The following RGS20 variants were observed in gnomAD, a reference collection of about 807,000 sequenced individuals.
RGS20 encodes the protein gz-selective GTPase-activating protein.
A neutral mutation model predicts 33.6 loss-of-function variants in RGS20; 30 were observed. That is an observed-to-expected ratio of 0.89 (90% CI 0.67 to 1.21). RGS20 has a LOEUF of 1.21. Among genes scored for constraint, RGS20 ranks in the 50% most tolerant of loss-of-function variants. The pLI is 0.00. For synonymous variants in RGS20, 208 were observed against 197.9 expected (o/e 1.05, Z -0.43); for missense variants, 472 against 502.4 (o/e 0.94, Z 0.58).
rs551298608 is a variant in RGS20, at chr8:53,918,481, C to T, written c.511-21095C>T. ...TCAGCTTGCTGCAACCTCTGCCTCC[C>T]GGGTTCAAGCAGTTCTCTTGCCTCA... On this transcript the variant is annotated intron_variant, in intron 2 of 5. Coordinates refer to ENST00000297313, the MANE Select transcript of RGS20 (RefSeq NM_170587.4). Among the ~76,000 whole-genome samples the T allele has an allele frequency of 6.0e-4, 91 of 151,780 alleles. 1 individual carries two copies. The highest frequency in any genetic ancestry group is 2.0e-3 in the African/African-American group (83 of 41,192).
At position 53,889,646 on chromosome 8, in the gene RGS20, G is replaced by A. The variant is rs144998441; in HGVS notation, c.510+10044G>A. Among the ~76,000 whole-genome samples the A allele has an allele frequency of 3.6e-4, 55 of 151,030 alleles. No homozygotes were observed. In the East Asian group the frequency reaches 6.0e-3, roughly 17 times the overall value. ...GTTTGGCCCATTTTTCTATTGTGCC[G>A]CTGATCTTTTATTATTGTTATTATT... On this transcript the variant is annotated intron_variant, in intron 2 of 5. Transcript: ENST00000297313.
intron 2 of RGS20, among the ~76,000 whole-genome samples, chr8:53,898,721 T>C (rs1185312700): frequency 2.0e-5 from 3 of 152,260 alleles, no homozygotes; most frequent in African/African-American, 7.2e-5. Context: ...TGAACTGTAA[T>C]TAGTTAAGCC....
At chr8:53,870,331 G>C (rs917484787) in intron 1 of RGS20, among the ~76,000 whole-genome samples, 3 of 152,124 alleles carry the variant, frequency 2.0e-5, no homozygotes, top group Admixed American at 6.5e-5. Flanking sequence ...AGCTAGACTA[G>C]AGTTTGTTTA....
At chr8:53,924,268 C>T (rs987189000) in intron 2 of RGS20, among the ~76,000 whole-genome samples, 8 of 152,118 alleles carry the variant, frequency 5.3e-5, no homozygotes, top group Middle Eastern at 3.4e-3. Flanking sequence ...TGGCTCACAG[C>T]AACCTCCGCC....
chr8:53,895,392 G>A (rs778198902), intron 2 of RGS20, among the ~76,000 whole-genome samples: 43 of 152,300 alleles, frequency 2.8e-4, no homozygotes, highest in Non-Finnish European at 4.6e-4. Context: ...ATGTGGATTC[G>A]TTAGGCTCTG....
chr8:53,954,434 C>T (rs1266120543), intron 5 of RGS20, 124 bp downstream of exon 4: 7 of 624,838 alleles, frequency 1.1e-5, no homozygotes, highest in African/African-American at 3.7e-5. Flanking sequence ...GAGGCTGAGG[C>T]GGGCGGATCA....
At chr8:53,949,845 CTT>C (rs146812689) in intron 4 of RGS20, among the ~76,000 whole-genome samples, 2 of 145,642 alleles carry the variant, frequency 1.4e-5, no homozygotes. Flanking sequence ...TAACACATTT[CTT>C]TTTTTTTTTT....
intron 1 of RGS20, among the ~76,000 whole-genome samples, chr8:53,857,842 G>A (rs1018846438): frequency 6.6e-6 from 1 of 151,910 alleles, no homozygotes; most frequent in African/African-American, 2.4e-5. Flanking sequence ...GGAATACTTA[G>A]CTTGTAATCA....
Position 53,851,849 on chromosome 8 carries a change from T to C in RGS20, c.-51T>C, listed in dbSNP as rs899928257. 2 of 1,587,918 alleles carry C rather than the reference T, an allele frequency of 1.3e-6. No homozygotes were observed. Among genetic ancestry groups the C allele is most frequent in the African/African-American group, 1.3e-5 (1 of 74,106 alleles). On this transcript the variant is annotated 5_prime_UTR_variant, in exon 1 of 6. Transcript: ENST00000297313. Reference sequence around the variant, plus strand: ...AGAAGCAGAGTGGATCCTGTGCTAATATTGGGAAAACCAGGCAACAGGACT... The same window carrying C: ...AGAAGCAGAGTGGATCCTGTGCTAACATTGGGAAAACCAGGCAACAGGACT...
At chr8:53,893,505 CA>C (rs1222475864) in intron 2 of RGS20, among the ~76,000 whole-genome samples, 3 of 152,202 alleles carry the variant, frequency 2.0e-5, no homozygotes, top group Non-Finnish European at 4.4e-5. Flanking sequence ...CTTATTATCT[CA>C]GCCTTTAGTT....
At chr8:53,958,202 C>T (rs1160941096) in intron 5 of RGS20, 68 bp from the exon 5 acceptor site, 2 of 1,145,454 alleles carry the variant, frequency 1.7e-6, no homozygotes, top group Non-Finnish European at 2.4e-6. Flanking sequence ...TCCCCACAAG[C>T]TCTAGGAGTT....
intron 2 of RGS20, among the ~76,000 whole-genome samples, chr8:53,889,304 TC>T (rs1812635811): frequency 6.6e-6 from 1 of 151,822 alleles, no homozygotes; most frequent in South Asian, 2.1e-4. Context: ...ATGTTAAGCA[TC>T]TTCTTATATG....
chr8:53,896,449 A>C (rs1230310290), intron 2 of RGS20, among the ~76,000 whole-genome samples: 2 of 152,228 alleles, frequency 1.3e-5, no homozygotes, highest in East Asian at 3.8e-4. Context: ...GGAGGCCTGC[A>C]AAGTGTGCAA....
At chr8:53,888,711 C>T (rs1812617314) in intron 2 of RGS20, among the ~76,000 whole-genome samples, 1 of 152,186 alleles carries the variant, frequency 6.6e-6, no homozygotes, top group Non-Finnish European at 1.5e-5. Context: ...CCAAAGATTC[C>T]GTCTCGCTTC....
At chr8:53,886,621 C>T (rs1563364112) in intron 2 of RGS20, among the ~76,000 whole-genome samples, 2 of 152,184 alleles carry the variant, frequency 1.3e-5, no homozygotes, top group South Asian at 4.1e-4. Context: ...TATCTGATAG[C>T]TTGGCTTCCT....
chr8:53,908,640 CA>C (rs71254928), intron 2 of RGS20, among the ~76,000 whole-genome samples: 99 of 143,936 alleles, frequency 6.9e-4, no homozygotes, highest in Admixed American at 8.4e-4. Context: ...AACTCCATCT[CA>C]AAAAAAAAAA....
At chr8:53,889,251 T>A (rs1004034454) in intron 2 of RGS20, among the ~76,000 whole-genome samples, 2 of 152,070 alleles carry the variant, frequency 1.3e-5, no homozygotes, top group African/African-American at 4.8e-5. Flanking sequence ...TGTGTAGTGG[T>A]ATCTCATTAT....
chr8:53,912,393 CA>C (rs374437994), intron 2 of RGS20, among the ~76,000 whole-genome samples: 4 of 142,270 alleles, frequency 2.8e-5, no homozygotes, highest in Admixed American at 7.1e-5. Flanking sequence ...GTAAAAATAT[CA>C]AAAAAAGATA....
At chr8:53,886,913 C>T (rs1279386269) in intron 2 of RGS20, 9 of 152,210 alleles carry the variant, frequency 5.9e-5, no homozygotes, top group Non-Finnish European at 1.3e-4. Context: ...TTATAATGGA[C>T]TTTTATGTCT....
Sources: allele counts gnomAD v4.1 joint callset (sites outside exome capture counted in the v4.1 genomes callset), GRCh38; gene constraint gnomAD v4.1.1; transcripts MANE v1.5; gene names NCBI Gene and HGNC (gene_info 2026-07-23, HGNC 2026-07-21).